The following DNAH3 variants were observed in gnomAD, a reference collection of about 807,000 sequenced individuals.
DNAH3 encodes the protein dynein axonemal heavy chain 3.
A neutral mutation model predicts 432.5 loss-of-function variants in DNAH3; 332 were observed. The ratio of observed to expected loss-of-function variants is 0.77; its 90% CI spans 0.70 to 0.84. DNAH3 has a LOEUF of 0.84. Ranked by LOEUF, DNAH3 falls within the 40% of genes least tolerant of loss-of-function variation. DNAH3 has a pLI of 0.00. For synonymous variants in DNAH3, 1,956 were observed against 1,900.2 expected, an observed-to-expected ratio of 1.03 and a Z score of -0.76; for missense variants, 4,861 against 5,114.0, an observed-to-expected ratio of 0.95 and a Z score of 1.51.
rs778346996 is a variant in DNAH3, at chr16:20,963,832, T to C, written c.10052A>G (p.Asp3351Gly). 45 of 1,613,964 alleles carry C rather than the reference T, an allele frequency of 2.8e-5. No individual in the cohort carries two copies. Among genetic ancestry groups the C allele is most frequent in the Non-Finnish European group, 3.6e-5 (42 of 1,180,026 alleles). Residue 3351 changes from aspartate (D) to glycine (G), a missense_variant, in exon 53 of 62, where the codon GAC becomes GGC. Transcript: ENST00000261383. The stretch of plus-strand genomic sequence containing the variant: ...GTTGTAGATGCTCAGGGTGAAATGG[T>C]CAATGATGTACTTGATGCGCAGATT...
chr16:21,079,307 G>A (rs900687900), intron 20 of DNAH3, among the ~76,000 whole-genome samples: 1 of 152,154 alleles, frequency 6.6e-6, no homozygotes, highest in East Asian at 1.9e-4. Flanking sequence ...GTAGGACCTA[G>A]GACACTAGGT....
intron 47 of DNAH3, among the ~76,000 whole-genome samples, chr16:20,986,833 A>T (rs536030608): frequency 6.6e-6 from 1 of 152,336 alleles, no homozygotes; most frequent in South Asian, 2.1e-4. Context: ...GCTTCTTAGC[A>T]GTGGAAGAAT....
At chr16:21,111,501 G>C in intron 14 of DNAH3, 125 bp downstream of exon 14, 2 of 931,056 alleles carry the variant, frequency 2.1e-6, no homozygotes, top group South Asian at 1.7e-5. Context: ...CCCTTACTTA[G>C]GGGCAGAAAA....
chr16:21,008,870 A>C (rs935555648), intron 41 of DNAH3, among the ~76,000 whole-genome samples: 1 of 152,194 alleles, frequency 6.6e-6, no homozygotes, highest in East Asian at 1.9e-4. Context: ...GTTGTAATTC[A>C]TTCTTTGGTT....
intron 27 of DNAH3, 146 bp downstream of exon 27, chr16:21,057,940 T>C: frequency 3.1e-6 from 2 of 636,530 alleles, no homozygotes; most frequent in South Asian, 1.8e-5. Flanking sequence ...TCCATCCCAC[T>C]GTCCTCATGG....
At chr16:20,941,333 C>G in intron 59 of DNAH3, 68 bp downstream of exon 59, 1 of 1,592,128 alleles carries the variant, frequency 6.3e-7, no homozygotes. Flanking sequence ...CCCTTCTCAG[C>G]TACTGCCTGT....
rs2089026249 is a variant in DNAH3, at chr16:21,033,946, C to T, written c.5197+28G>A. On this transcript the variant is annotated intron_variant, in intron 36 of 61. Transcript: ENST00000261383. ...CCAACTGAGCGAGGAGTTCTGTCCT[C>T]CCTGGAAGCCAGGGATGTGAGCTTT... 5 of 1,558,196 alleles carry T rather than the reference C, an allele frequency of 3.2e-6. No homozygotes were observed. In the East Asian group the frequency reaches 1.1e-4, roughly 35 times the overall value.
intron 51 of DNAH3, among the ~76,000 whole-genome samples, chr16:20,972,113 T>C (rs1009819635): frequency 6.6e-6 from 1 of 152,198 alleles, no homozygotes; most frequent in Non-Finnish European, 1.5e-5. Flanking sequence ...GCAGCATCTA[T>C]TTAATACCGA....
chr16:21,126,444 T>C (rs988477306), intron 8 of DNAH3, among the ~76,000 whole-genome samples: 3 of 152,230 alleles, frequency 2.0e-5, no homozygotes, highest in East Asian at 1.9e-4. Flanking sequence ...CAGGTATTAT[T>C]ATCACTGTTT....
intron 58 of DNAH3, among the ~76,000 whole-genome samples, chr16:20,943,585 G>A (rs1451602482): frequency 6.6e-6 from 1 of 152,106 alleles, no homozygotes; most frequent in Admixed American, 6.5e-5. Flanking sequence ...TTTCGGGTCA[G>A]TGCCAATTCT....
chr16:21,106,799 T>A, intron 14 of DNAH3, 125 bp from the exon 15 acceptor site: 1 of 824,674 alleles, frequency 1.2e-6, no homozygotes. Context: ...AAGAAAATTT[T>A]TTTTTAATTT....
At chr16:20,977,041 C>T (rs778994227) in intron 50 of DNAH3, among the ~76,000 whole-genome samples, 10 of 152,122 alleles carry the variant, frequency 6.6e-5, no homozygotes, top group South Asian at 6.2e-4. Context: ...TAACAGGGAG[C>T]GCACCACCTC....
At chr16:21,117,003 T>C (rs2092219178) in intron 12 of DNAH3, among the ~76,000 whole-genome samples, 200 bp downstream of exon 12, 1 of 152,216 alleles carries the variant, frequency 6.6e-6, no homozygotes, top group Non-Finnish European at 1.5e-5. Flanking sequence ...TACTAACTAT[T>C]TGCTATGTAA....
intron 41 of DNAH3, among the ~76,000 whole-genome samples, chr16:21,013,066 A>T (rs1356010791): frequency 5.9e-5 from 9 of 152,172 alleles, no homozygotes; most frequent in Admixed American, 5.9e-4. Flanking sequence ...TGCACAGCCA[A>T]AAAGAAAGAT....
At position 21,015,432 on chromosome 16, in the gene DNAH3, T is replaced by A. The variant is rs570025810; in HGVS notation, c.6022+4192A>T. ...GAGGATGAAGAGGTGGAGCACAGGA[T>A]TTTTTTGGGTTGTGTGAAACTATCC... is the stretch of plus-strand genomic sequence containing the variant. On this transcript the variant is annotated intron_variant, in intron 41 of 61. Coordinates refer to ENST00000261383, the Ensembl canonical transcript of DNAH3. Among the ~76,000 whole-genome samples the A allele has an allele frequency of 5.9e-5, 9 of 152,240 alleles. No homozygotes were observed. The East Asian group carries it at 1.7e-3, about 29-fold the overall frequency.
intron 44 of DNAH3, among the ~76,000 whole-genome samples, chr16:20,990,110 G>A (rs1764963455): frequency 6.6e-6 from 1 of 152,244 alleles, no homozygotes; most frequent in African/African-American, 2.4e-5. Flanking sequence ...GTGGGCTGAA[G>A]GGCTCCTCAA....
Position 21,134,584 on chromosome 16 carries a change from C to G in DNAH3, c.887-130G>C, listed in dbSNP as rs942479219. The G allele has an allele frequency of 7.9e-6, 6 of 760,368 alleles. No homozygotes were observed. The African/African-American group carries it at 1.1e-4, about 13-fold the overall frequency. The allele number at this position is 760,368 out of a possible 1,614,324, so 47.1% of individuals were successfully genotyped here. Reference sequence around the variant, plus strand: ...AGTTGGCCAGGCTGGTCTCAAACTCCTGGGCTCAAGTGATCCTCCCACCTC... The same window carrying G: ...AGTTGGCCAGGCTGGTCTCAAACTCGTGGGCTCAAGTGATCCTCCCACCTC... On this transcript the variant is annotated intron_variant, in intron 6 of 61. Transcript: ENST00000261383.
At position 20,965,089 on chromosome 16, in the gene DNAH3, AC is replaced by A. The variant is rs1305926215; in HGVS notation, c.8794del (p.Val2932TrpfsTer2). On this transcript the variant is annotated frameshift_variant, in exon 53 of 62. Transcript: ENST00000261383. LOFTEE classifies it high-confidence loss of function. ...ATTCAGGGCCTGGAGCCGATCTACC[AC>A]CAGCTTCAGCTCTGCTCTTTTCTGG... 6.2e-7 allele frequency: 1 copy of A among 1,613,880 alleles called. No individual in the cohort carries two copies. Among genetic ancestry groups the A allele is most frequent in the Non-Finnish European group, 8.5e-7 (1 of 1,179,996 alleles).
intron 43 of DNAH3, among the ~76,000 whole-genome samples, chr16:20,999,347 A>G (rs1283994713): frequency 6.6e-6 from 1 of 152,194 alleles, no homozygotes; most frequent in Non-Finnish European, 1.5e-5. Context: ...GGAGAGCAAG[A>G]TGGAGAAAAG....
Sources: gnomAD v4.1 joint callset for allele counts (sites outside exome capture counted in the v4.1 genomes callset) on GRCh38, gnomAD v4.1.1 for gene constraint, MANE v1.5 for transcripts, NCBI Gene and HGNC (gene_info 2026-07-23, HGNC 2026-07-21) for gene names.